NEK11: variants seen among roughly 807,000 people sequenced by gnomAD.
NEK11 encodes the protein NIMA related kinase 11, also known as serine/threonine-protein kinase Nek11.
A neutral mutation model predicts 80.7 loss-of-function variants in NEK11; 72 were observed. The ratio of observed to expected loss-of-function variants is 0.89; its 90% CI spans 0.74 to 1.08. The LOEUF is 1.08. NEK11 is among the 50% of genes least tolerant of loss of function. The pLI, the probability that NEK11 is intolerant of heterozygous loss-of-function variation, is 0.00. For missense variants in NEK11, 764 were observed against 763.6 expected (o/e 1.00, Z -0.01); for synonymous variants, 251 against 260.7 (o/e 0.96, Z 0.36).
At chr3:131,319,730 A>G (rs1029943439) in intron 17 of NEK11, among the ~76,000 whole-genome samples, 3 of 152,156 alleles carry the variant, frequency 2.0e-5, no homozygotes, top group Non-Finnish European at 4.4e-5. Context: ...ACACATGCAA[A>G]AAATAAATCT....
chr3:131,069,878 G>A (rs1048401310), intron 3 of NEK11, among the ~76,000 whole-genome samples: 9 of 151,326 alleles, frequency 5.9e-5, no homozygotes, highest in Admixed American at 4.6e-4. Context: ...CCTAATGCTA[G>A]ATGACGAGTT....
intron 7 of NEK11, among the ~76,000 whole-genome samples, chr3:131,140,216 TTTGC>T (rs1387173674): frequency 6.6e-6 from 1 of 152,158 alleles, no homozygotes; most frequent in Non-Finnish European, 1.5e-5. Context: ...CAATATAGAT[TTTGC>T]TTGGTTCTCT....
intron 5 of NEK11, among the ~76,000 whole-genome samples, chr3:131,113,281 G>A (rs996672465): frequency 1.3e-5 from 2 of 151,462 alleles, no homozygotes; most frequent in African/African-American, 4.9e-5. Flanking sequence ...AGAGAAGAAG[G>A]AGAGGGAGGA....
intron 14 of NEK11, among the ~76,000 whole-genome samples, chr3:131,178,521 C>T (rs904790372): frequency 2.0e-5 from 3 of 152,148 alleles, no homozygotes; most frequent in Non-Finnish European, 4.4e-5. Context: ...AACGAAGTCA[C>T]GAACACACAT....
intron 17 of NEK11, among the ~76,000 whole-genome samples, chr3:131,297,486 T>C (rs1266764183): frequency 3.3e-5 from 5 of 152,218 alleles, no homozygotes; most frequent in African/African-American, 1.2e-4. Flanking sequence ...GTTCATGTCC[T>C]TCACCCACTT....
At chr3:131,335,717 C>T (rs1003045483) in intron 17 of NEK11, among the ~76,000 whole-genome samples, 1 of 152,140 alleles carries the variant, frequency 6.6e-6, no homozygotes, top group East Asian at 1.9e-4. Context: ...ATCTAGAAAA[C>T]CCCACTGTCT....
rs762595280 is a variant in NEK11 at position 131,349,601 on chromosome 3, A to G, written c.1763A>G (p.Tyr588Cys). Residue 588 changes from tyrosine to cysteine, a missense_variant, in exon 18 of 18, where the codon TAT (tyrosine) becomes TGT (cysteine). Transcript: ENST00000383366. ...KLGTEVFEEV[Y>C]NYLKRARHQN... ...GGGACAGAAGTATTTGAAGAGGTCT[A>G]TAATTACCTCAAGAGAGCAAGGCAT... 5.6e-6 allele frequency: 9 copies of G among 1,614,076 alleles called. No homozygotes were observed. The highest frequency in any genetic ancestry group is 1.6e-4 in the Middle Eastern group (1 of 6,078).
In NEK11 at chr3:131,184,820, T is replaced by G. The variant is rs1054229614; in HGVS notation, c.1399+13933T>G. On this transcript the variant is annotated intron_variant, in intron 14 of 17. Coordinates refer to ENST00000383366, the MANE Select transcript of NEK11 (RefSeq NM_024800.5). ...TTTGAGTCCCCTAGCTGTTGCATCT[T>G]TCTTTATGGATACCCCTACATTTAA... The G allele has an allele frequency of 5.3e-6, 3 of 563,698 alleles. No individual in the cohort carries two copies. The African/African-American group carries it at 5.8e-5, about 11-fold the overall frequency. 34.9% of individuals were successfully genotyped at this position (563,698 alleles called of 1,614,324 possible). A position where few individuals can be genotyped will look rare whatever the true frequency, so the allele number is the denominator to read the frequency against.
At chr3:131,237,905 C>T (rs2095458078) in intron 15 of NEK11, among the ~76,000 whole-genome samples, 1 of 152,176 alleles carries the variant, frequency 6.6e-6, no homozygotes, top group African/African-American at 2.4e-5. Flanking sequence ...AAGCCATCAT[C>T]ACCTTGTCGT....
intron 16 of NEK11, among the ~76,000 whole-genome samples, chr3:131,265,719 T>G (rs2096040345): frequency 6.6e-6 from 1 of 152,174 alleles, no homozygotes; most frequent in African/African-American, 2.4e-5. Context: ...ATCAGGATGA[T>G]GCTGGCCTCA....
intron 17 of NEK11, among the ~76,000 whole-genome samples, chr3:131,280,483 C>G (rs888113023): frequency 1.3e-5 from 2 of 151,934 alleles, no homozygotes; most frequent in Non-Finnish European, 2.9e-5. Context: ...CTGTTAATCT[C>G]ATTCAGTGTA....
intron 14 of NEK11, among the ~76,000 whole-genome samples, chr3:131,182,294 A>G (rs2093400205): frequency 2.0e-5 from 3 of 152,248 alleles, no homozygotes; most frequent in African/African-American, 7.2e-5. Context: ...ATAGGAAACC[A>G]CTAAAAAGAT....
chr3:131,222,483 A>C (rs558275618), intron 14 of NEK11, among the ~76,000 whole-genome samples: 2 of 152,182 alleles, frequency 1.3e-5, no homozygotes, highest in East Asian at 3.9e-4. Context: ...TCTATCAACA[A>C]AATGGGAGTA....
intron 14 of NEK11, among the ~76,000 whole-genome samples, chr3:131,204,533 G>T (rs1295398939): frequency 3.3e-5 from 5 of 152,002 alleles, no homozygotes; most frequent in Non-Finnish European, 5.9e-5. Context: ...AATTGAATTA[G>T]GGAACACCCA....
intron 7 of NEK11, among the ~76,000 whole-genome samples, chr3:131,140,250 A>G (rs1036957224): frequency 1.3e-5 from 2 of 151,960 alleles, no homozygotes; most frequent in African/African-American, 4.8e-5. Flanking sequence ...TGTTCTTGGA[A>G]CCCAACTACC....
chr3:131,048,040 G>T (rs1377319006), intron 3 of NEK11, among the ~76,000 whole-genome samples: 1 of 152,120 alleles, frequency 6.6e-6, no homozygotes, highest in Non-Finnish European at 1.5e-5. Flanking sequence ...GCATCATGCA[G>T]GTCACCAGGG....
At chr3:131,219,461 G>A (rs1316944512) in intron 14 of NEK11, among the ~76,000 whole-genome samples, 1 of 151,870 alleles carries the variant, frequency 6.6e-6, no homozygotes, top group South Asian at 2.1e-4. Context: ...GTTGATGGGT[G>A]CAGCAAACCT....
intron 17 of NEK11, among the ~76,000 whole-genome samples, chr3:131,279,997 G>C (rs2096369417): frequency 6.6e-6 from 1 of 152,210 alleles, no homozygotes; most frequent in Admixed American, 6.5e-5. Context: ...GGAGGCCTTA[G>C]TTCCTGGAAA....
At chr3:131,197,062 G>A (rs913138955) in intron 14 of NEK11, among the ~76,000 whole-genome samples, 1 of 152,050 alleles carries the variant, frequency 6.6e-6, no homozygotes, top group Non-Finnish European at 1.5e-5. Flanking sequence ...ATTTTAGTGA[G>A]CTCTCTTTCC....
Sources: gnomAD v4.1 joint callset for allele counts (sites outside exome capture counted in the v4.1 genomes callset) on GRCh38, gnomAD v4.1.1 for gene constraint, MANE v1.5 for transcripts, NCBI Gene and HGNC (gene_info 2026-07-23, HGNC 2026-07-21) for gene names.